The following SGPP1 variants were observed in gnomAD, a reference collection of about 807,000 sequenced individuals.
SGPP1 encodes sphingosine-1-phosphate phosphatase 1.
A neutral mutation model predicts 33.0 loss-of-function variants in SGPP1; 21 were observed. The ratio of observed to expected loss-of-function variants is 0.64; its 90% confidence interval spans 0.45 to 0.92. The LOEUF (loss-of-function observed/expected upper bound fraction) is 0.92. SGPP1 is among the 40% of genes least tolerant of loss of function. SGPP1 has a pLI of 0.00. For missense variants in SGPP1, 543 were observed against 589.4 expected (o/e 0.92, Z 0.81); for synonymous variants, 239 against 241.2 (o/e 0.99, Z 0.08).
At chr14:63,696,090 C>G (rs544045674) in intron 2 of SGPP1, among the ~76,000 whole-genome samples, 39 of 152,234 alleles carry the variant, frequency 2.6e-4, no homozygotes, top group African/African-American at 8.7e-4. Flanking sequence ...GAGTTCGAGA[C>G]CAGCCTGGCC....
chr14:63,685,346 G>A lies in SGPP1; in HGVS notation c.*759C>T, dbSNP rs958986790. On this transcript the variant is annotated 3_prime_UTR_variant, in exon 3 of 3. Coordinates refer to ENST00000247225, the MANE Select transcript of SGPP1 (RefSeq NM_030791.4). Reference sequence around the variant, plus strand: ...AGTACACATAGCATTTCTTAATTTAGCAACGGAAAGGCACAATTAGCAAGC... The same window carrying A: ...AGTACACATAGCATTTCTTAATTTAACAACGGAAAGGCACAATTAGCAAGC... The A allele has an allele frequency of 3.3e-5, 5 of 152,190 alleles. No individual in the cohort carries two copies. Among genetic ancestry groups the A allele is most frequent in the African/African-American group, 1.2e-4 (5 of 41,328 alleles). The allele number at this position is 152,190 out of a possible 1,614,324, so 9.4% of individuals were successfully genotyped here. A position where few individuals can be genotyped will look rare whatever the true frequency, so the allele number is the denominator to read the frequency against.
intron 1 of SGPP1, among the ~76,000 whole-genome samples, chr14:63,705,505 C>CA (rs1467044206): frequency 6.6e-6 from 1 of 150,512 alleles, no homozygotes; most frequent in Non-Finnish European, 1.5e-5. Flanking sequence ...CCATCTCTAA[C>CA]AAAAATACAA....
At chr14:63,711,727 T>C (rs1221480458) in intron 1 of SGPP1, among the ~76,000 whole-genome samples, 1 of 152,204 alleles carries the variant, frequency 6.6e-6, no homozygotes, top group East Asian at 1.9e-4. Context: ...GATGTTTTGA[T>C]CATTTTTGAT....
intron 1 of SGPP1, among the ~76,000 whole-genome samples, chr14:63,712,979 T>C (rs1480060368): frequency 1.3e-5 from 2 of 150,508 alleles, no homozygotes; most frequent in Non-Finnish European, 2.9e-5. Context: ...TTCGAGCTCC[T>C]GGGCTCAAGC....
intron 1 of SGPP1, among the ~76,000 whole-genome samples, chr14:63,713,975 C>G (rs751272979): frequency 3.9e-5 from 6 of 152,194 alleles, no homozygotes; most frequent in Non-Finnish European, 5.9e-5. Flanking sequence ...GAGGCCCAGA[C>G]AGAACATATC....
intron 2 of SGPP1, among the ~76,000 whole-genome samples, chr14:63,694,120 A>T (rs1400699731): frequency 6.6e-6 from 1 of 151,972 alleles, no homozygotes. Context: ...TCTCTTCCAA[A>T]AAGAAAAAAT....
intron 1 of SGPP1, among the ~76,000 whole-genome samples, chr14:63,720,639 A>G (rs1022245163): frequency 6.6e-6 from 1 of 152,086 alleles, no homozygotes; most frequent in African/African-American, 2.4e-5. Flanking sequence ...GGACGCCTGT[A>G]ATCCCAGCTA....
At chr14:63,721,135 G>A (rs1024141498) in intron 1 of SGPP1, among the ~76,000 whole-genome samples, 2 of 152,140 alleles carry the variant, frequency 1.3e-5, no homozygotes, top group South Asian at 4.1e-4. Context: ...CGTTCGTCTC[G>A]GCCTTCAAAA....
At chr14:63,726,846 C>A (rs1401589529) in intron 1 of SGPP1, among the ~76,000 whole-genome samples, 1 of 152,128 alleles carries the variant, frequency 6.6e-6, no homozygotes, top group Non-Finnish European at 1.5e-5. Flanking sequence ...TTACCTCTTT[C>A]TGAAACAGTT....
At chr14:63,688,089 C>G (rs956668846) in intron 2 of SGPP1, among the ~76,000 whole-genome samples, 5 of 151,996 alleles carry the variant, frequency 3.3e-5, no homozygotes, top group Admixed American at 2.6e-4. Flanking sequence ...CGCACCATTG[C>G]ACTCCAGCCT....
intron 1 of SGPP1, among the ~76,000 whole-genome samples, chr14:63,724,831 G>A (rs1307320141): frequency 6.6e-6 from 1 of 150,462 alleles, no homozygotes; most frequent in Non-Finnish European, 1.5e-5. Flanking sequence ...GCAGAGAGCC[G>A]AGATTGCGCC....
intron 2 of SGPP1, among the ~76,000 whole-genome samples, chr14:63,696,457 G>GT (rs1298352749): frequency 1.3e-5 from 2 of 152,214 alleles, no homozygotes; most frequent in African/African-American, 2.4e-5. Context: ...CCATTTGGTA[G>GT]TTTTTTCAGA....
rs1884971281 is a variant in SGPP1, at chr14:63,686,270, G to A, written c.1161C>T (p.Thr387=). ...TGAAGATTTTGCAGGCTAAAGGAATGGTGATCTTTTTCATTACATCTCTGA... is the reference window on the plus strand; with the variant it reads ...TGAAGATTTTGCAGGCTAAAGGAATAGTGATCTTTTTCATTACATCTCTGA... ...LIIRDVMKKI[T]IPLACKIFNI... Residue 387 remains threonine (T), a synonymous_variant, in exon 3 of 3, where the codon ACC becomes ACT. Coordinates refer to ENST00000247225, the MANE Select transcript of SGPP1 (RefSeq NM_030791.4). The A allele has an allele frequency of 6.2e-7, 1 of 1,614,128 alleles. No homozygotes were observed. The highest frequency in any genetic ancestry group is 8.5e-7 in the Non-Finnish European group (1 of 1,180,016).
At chr14:63,725,287 T>C (rs928586766) in intron 1 of SGPP1, among the ~76,000 whole-genome samples, 1 of 151,892 alleles carries the variant, frequency 6.6e-6, no homozygotes, top group African/African-American at 2.4e-5. Context: ...AGGCAGAGAA[T>C]TGCTTGAACC....
intron 1 of SGPP1, among the ~76,000 whole-genome samples, chr14:63,700,794 G>A (rs1413233629): frequency 6.6e-6 from 1 of 152,120 alleles, no homozygotes; most frequent in African/African-American, 2.4e-5. Context: ...ATTTTGGCCA[G>A]TGAGCTGGGG....
chr14:63,695,644 G>C (rs917055279), intron 2 of SGPP1, among the ~76,000 whole-genome samples: 2 of 152,170 alleles, frequency 1.3e-5, no homozygotes, highest in Non-Finnish European at 2.9e-5. Flanking sequence ...GGACATAGTG[G>C]CTCACATCTG....
At chr14:63,700,201 CCT>C (rs1448839116) in intron 1 of SGPP1, among the ~76,000 whole-genome samples, 1 of 152,072 alleles carries the variant, frequency 6.6e-6, no homozygotes, top group East Asian at 1.9e-4. Context: ...CACCTGGCCC[CCT>C]TTCTTATTTT....
At chr14:63,722,832 G>A (rs970245957) in intron 1 of SGPP1, among the ~76,000 whole-genome samples, 1 of 151,542 alleles carries the variant, frequency 6.6e-6, no homozygotes, top group African/African-American at 2.4e-5. Flanking sequence ...AAAATTAGCT[G>A]GTGGTAGTGT....
At chr14:63,697,078 G>A (rs530697583) in intron 2 of SGPP1, among the ~76,000 whole-genome samples, 1 of 152,260 alleles carries the variant, frequency 6.6e-6, no homozygotes, top group South Asian at 2.1e-4. Flanking sequence ...TGGGTACTAT[G>A]TTCACCATCT....
Sources: gnomAD v4.1 joint callset for allele counts (sites outside exome capture counted in the v4.1 genomes callset) on GRCh38, gnomAD v4.1.1 for gene constraint, MANE v1.5 for transcripts, NCBI Gene and HGNC (gene_info 2026-07-23, HGNC 2026-07-21) for gene names.